The following RNF6 variants were observed in gnomAD, a reference collection of about 807,000 sequenced individuals.
RNF6 encodes the protein ring finger protein 6, also known as E3 ubiquitin-protein ligase RNF6.
A neutral mutation model predicts 50.1 loss-of-function variants in RNF6; 21 were observed. The observed-to-expected ratio is 0.42, with a 90% CI of 0.30 to 0.60. RNF6 has a LOEUF of 0.60. RNF6 is among the 20% of genes least tolerant of loss of function. The pLI, the probability that RNF6 is intolerant of heterozygous loss-of-function variation, is 0.20. For missense variants in RNF6, 698 were observed against 838.2 expected (o/e 0.83, Z 2.07); for synonymous variants, 255 against 291.8 (o/e 0.87, Z 1.29).
chr13:26,211,843 G>A (rs1435809974), downstream of RNF6, among the ~76,000 whole-genome samples: 1 of 152,218 alleles, frequency 6.6e-6, no homozygotes, highest in Non-Finnish European at 1.5e-5. Flanking sequence ...TAAGTGAGAT[G>A]TATGAATTAA....
rs188457873 is a variant in RNF6, at chr13:26,159,452, G to A, written n.769-27001C>T. ...ATCCTGGATAACACGGTGAAACGCC[G>A]TCTCTACTAAAAAATACAAAAAATT... On this transcript the variant is annotated intron_variant and non_coding_transcript_variant, in intron 5 of 5. Coordinates refer to the RNF6 transcript ENST00000468480. Among the ~76,000 whole-genome samples, 1,139 of 152,088 alleles carry A rather than the reference G, an allele frequency of 7.5e-3. 3 individuals are homozygous for A. Among genetic ancestry groups the A allele is most frequent in the Non-Finnish European group, 0.014 (920 of 67,998 alleles).
chr13:26,135,359 C>A (rs1870595851), intron 5 of RNF6, among the ~76,000 whole-genome samples: 2 of 152,060 alleles, frequency 1.3e-5, no homozygotes, highest in Non-Finnish European at 2.9e-5. Flanking sequence ...CCTGGCTTCC[C>A]TTTATAATAA....
chr13:26,222,242 TC>T lies in RNF6; in HGVS notation c.-342del. The T allele has an allele frequency of 6.6e-6, 1 of 152,374 alleles. No homozygotes were observed. The highest frequency in any genetic ancestry group is 2.4e-5 in the African/African-American group (1 of 41,578). The allele number at this position is 152,374 out of a possible 1,614,324, so 9.4% of individuals were successfully genotyped here. The stretch of plus-strand genomic sequence containing the variant: ...AGAACGGCAGGCCCCAGCCCTTCTT[TC>T]CCGACAGCCACGCCGCCCACTTGGC... On this transcript the variant is annotated 5_prime_UTR_variant, in exon 1 of 5. Coordinates refer to ENST00000381588, the MANE Select transcript of RNF6 (RefSeq NM_005977.4).
At chr13:26,182,529 G>A (rs947385347) in intron 5 of RNF6, among the ~76,000 whole-genome samples, 1 of 152,186 alleles carries the variant, frequency 6.6e-6, no homozygotes, top group African/African-American at 2.4e-5. Flanking sequence ...CAAAGAATCT[G>A]TGGCTGGGCA....
At position 26,198,274 on chromosome 13, in the gene RNF6, T is replaced by C. The variant is rs374091270; in HGVS notation, n.768+17200A>G. Reference sequence around the variant, plus strand: ...GAGACCCAGGAAAGAATTACAGTTGTAGTTCAAGGGCAGTCTGCTGGCAAA... The same window carrying C: ...GAGACCCAGGAAAGAATTACAGTTGCAGTTCAAGGGCAGTCTGCTGGCAAA... On this transcript the variant is annotated intron_variant and non_coding_transcript_variant, in intron 5 of 5. Transcript: ENST00000468480. Among the ~76,000 whole-genome samples, 22 of 151,930 alleles carry C rather than the reference T, an allele frequency of 1.4e-4. 1 individual carries two copies. In the East Asian group the frequency reaches 2.5e-3, roughly 17 times the overall value.
In RNF6 at chr13:26,160,494, G is replaced by A. The variant is rs543275679; in HGVS notation, n.769-28043C>T. Among the ~76,000 whole-genome samples the A allele has an allele frequency of 6.0e-5, 9 of 149,952 alleles. No homozygotes were observed. In the South Asian group the frequency reaches 1.9e-3, roughly 32 times the overall value. Reference sequence around the variant, plus strand: ...CCACCTCAGCCTCCCAAGTAGCTGGGACTACAGGCTTATGCCACTGCATCC... The same window carrying A: ...CCACCTCAGCCTCCCAAGTAGCTGGAACTACAGGCTTATGCCACTGCATCC... On this transcript the variant is annotated intron_variant and non_coding_transcript_variant, in intron 5 of 5. Coordinates refer to the RNF6 transcript ENST00000468480.
intron 5 of RNF6, among the ~76,000 whole-genome samples, chr13:26,163,107 G>A (rs1171056455): frequency 6.6e-6 from 1 of 151,400 alleles, no homozygotes; most frequent in African/African-American, 2.4e-5. Flanking sequence ...TCAGGAGATC[G>A]AGACCATCCT....
intron 5 of RNF6, among the ~76,000 whole-genome samples, chr13:26,171,808 A>T (rs755160297): frequency 6.6e-6 from 1 of 152,232 alleles, no homozygotes; most frequent in East Asian, 1.9e-4. Context: ...GTGAAATTTT[A>T]TATGTTTATA....
chr13:26,178,654 T>G (rs958906273), intron 5 of RNF6, among the ~76,000 whole-genome samples: 5 of 142,344 alleles, frequency 3.5e-5, no homozygotes, highest in African/African-American at 1.3e-4. Context: ...TGAGAAAGCT[T>G]AAGATCTATC....
intron 5 of RNF6, among the ~76,000 whole-genome samples, chr13:26,154,753 G>A (rs535328184): frequency 2.0e-5 from 3 of 152,130 alleles, no homozygotes; most frequent in Non-Finnish European, 4.4e-5. Context: ...CTCCCGGCTG[G>A]GCGTTGTGGC....
intron 5 of RNF6, among the ~76,000 whole-genome samples, chr13:26,163,337 G>T (rs948977134): frequency 6.6e-6 from 1 of 151,992 alleles, no homozygotes; most frequent in Non-Finnish European, 1.5e-5. Context: ...CCAACTTGTG[G>T]CCAGTTTTGT....
intron 5 of RNF6, among the ~76,000 whole-genome samples, chr13:26,161,530 C>G (rs892674520): frequency 6.6e-6 from 1 of 152,154 alleles, no homozygotes; most frequent in Non-Finnish European, 1.5e-5. Context: ...GAAAATATTA[C>G]ACATATTGCT....
chr13:26,170,600 A>T (rs1303750450), intron 5 of RNF6, among the ~76,000 whole-genome samples: 1 of 152,216 alleles, frequency 6.6e-6, no homozygotes, highest in Non-Finnish European at 1.5e-5. Context: ...TATCTCATGA[A>T]GTCAGCTGAC....
Position 26,215,201 on chromosome 13 carries a change from T to A in RNF6, c.681A>T (p.Gly227=). The A allele has an allele frequency of 6.2e-7, 1 of 1,614,230 alleles. No homozygotes were observed. The highest frequency in any genetic ancestry group is 8.5e-7 in the Non-Finnish European group (1 of 1,180,034). The change falls in exon 5 of 5, where the codon GGA becomes GGT. Residue 227 remains glycine (G), a synonymous_variant. Coordinates refer to ENST00000381588, the MANE Select transcript of RNF6 (RefSeq NM_005977.4). ...TTAACCTTCCCAATGTTGAGAAAGA[T>A]CCTTCAGCTGGATTTTGCCCCCTTG... ...LASRGQNPAE[G]SFSTLGRLRN...
chr13:26,172,193 G>T (rs189855817), intron 5 of RNF6, among the ~76,000 whole-genome samples: 20 of 152,266 alleles, frequency 1.3e-4, no homozygotes, highest in Non-Finnish European at 1.5e-5. Context: ...ACGCAGCCTG[G>T]TAAGTGATGA....
intron 5 of RNF6, among the ~76,000 whole-genome samples, chr13:26,159,441 G>A (rs1329311213): frequency 1.3e-5 from 2 of 151,984 alleles, no homozygotes; most frequent in African/African-American, 2.4e-5. Flanking sequence ...TGGATAACAC[G>A]GTGAAACGCC....
Position 26,195,941 on chromosome 13 carries a change from C to T in RNF6, n.768+19533G>A, listed in dbSNP as rs141142266. ...TTCATCAGCATCGTAATGAGATAAACCCAAGGTCTAATGGAAAAATTTCAA... is the reference window on the plus strand; with the variant it reads ...TTCATCAGCATCGTAATGAGATAAATCCAAGGTCTAATGGAAAAATTTCAA... On this transcript the variant is annotated intron_variant and non_coding_transcript_variant, in intron 5 of 5. Transcript: ENST00000468480. Among the ~76,000 whole-genome samples, 140 of 152,166 alleles carry T rather than the reference C, an allele frequency of 9.2e-4. No individual in the cohort carries two copies. The Middle Eastern group carries it at 0.01, about 11-fold the overall frequency.
intron 5 of RNF6, among the ~76,000 whole-genome samples, chr13:26,207,326 T>C (rs1869151589): frequency 6.6e-6 from 1 of 151,882 alleles, no homozygotes; most frequent in African/African-American, 2.4e-5. Flanking sequence ...AGCCAAAATA[T>C]GAAGAATCTT....
intron 5 of RNF6, among the ~76,000 whole-genome samples, chr13:26,143,043 G>A (rs929220491): frequency 3.9e-5 from 6 of 152,154 alleles, no homozygotes; most frequent in African/African-American, 1.4e-4. Context: ...TCATGTGGTT[G>A]TAGCTGGTAT....
Sources: allele counts gnomAD v4.1 joint callset (sites outside exome capture counted in the v4.1 genomes callset), GRCh38; gene constraint gnomAD v4.1.1; transcripts MANE v1.5; gene names NCBI Gene and HGNC (gene_info 2026-07-23, HGNC 2026-07-21).